The following TENM2 variants were observed in gnomAD, a reference collection of about 807,000 sequenced individuals.
TENM2 encodes the protein teneurin-2.
Under a neutral mutation model 245.2 loss-of-function variants are expected in TENM2, and 52 were observed. The observed-to-expected ratio is 0.21, with a 90% CI of 0.17 to 0.27. TENM2 has a LOEUF of 0.27. Among genes scored for constraint, TENM2 ranks in the 10% least tolerant of loss-of-function variants. The pLI, the probability that TENM2 is intolerant of heterozygous loss-of-function variation, is 1.00. For synonymous variants in TENM2, 1,363 were observed against 1,438.9 expected (o/e 0.95, Z 1.19); for missense variants, 3,046 against 3,666.8 (o/e 0.83, Z 4.37).
chr5:167,233,762 A>G, the TENM2 span, among the ~76,000 whole-genome samples: 3 of 152,212 alleles, frequency 2.0e-5, no homozygotes, highest in African/African-American at 7.2e-5. Flanking sequence ...ATCTCAGCCA[A>G]GACTGAAATC....
intron 2 of TENM2, among the ~76,000 whole-genome samples, chr5:167,790,932 T>C (rs1764912196): frequency 6.6e-6 from 1 of 152,210 alleles, no homozygotes. Flanking sequence ...ACCACATTGA[T>C]TTTTCCTTAT....
chr5:167,527,412 A>G (rs987640742), intron 2 of TENM2, among the ~76,000 whole-genome samples: 2 of 152,052 alleles, frequency 1.3e-5, no homozygotes, highest in African/African-American at 4.8e-5. Flanking sequence ...TTTTCATATA[A>G]TTGCTTGACA....
chr5:168,121,718 AT>A (rs35236471), intron 10 of TENM2, among the ~76,000 whole-genome samples: 2,370 of 148,312 alleles, frequency 0.016, 44 homozygotes, highest in African/African-American at 0.047. Context: ...AAAGATTGTG[AT>A]TTTTTTTTTT....
chr5:168,200,085 G>A (rs948863277), exon 17 of TENM2: 4 of 1,613,710 alleles, frequency 2.5e-6, no homozygotes, highest in African/African-American at 1.3e-5. Flanking sequence ...TCTGGGACAA[G>A]ACAGATGCGT....
chr5:167,337,101 G>A (rs548385850), intron 1 of TENM2, among the ~76,000 whole-genome samples: 2 of 136,378 alleles, frequency 1.5e-5, no homozygotes, highest in East Asian at 4.4e-4. Context: ...TCCGGCCTGG[G>A]CGACAGAGGG....
chr5:167,409,831 T>C lies in TENM2; in HGVS notation c.502+34358T>C, dbSNP rs571838757. 1.4e-4 allele frequency among the ~76,000 whole-genome samples: 21 copies of C among 152,050 alleles called. No homozygotes were observed. The South Asian group carries it at 4.3e-3, about 31-fold the overall frequency. On this transcript the variant is annotated intron_variant, in intron 2 of 28. Coordinates refer to ENST00000518659, the Ensembl canonical transcript of TENM2. ...AAATACCAGTTGTATCAGTGATCCA[T>C]GATGAAATTGTTAACACTGATGATG...
chr5:167,553,668 C>T (rs901656348), intron 2 of TENM2, among the ~76,000 whole-genome samples: 2 of 152,128 alleles, frequency 1.3e-5, no homozygotes, highest in Non-Finnish European at 2.9e-5. Context: ...ATGCCTTCTG[C>T]ACAGCTGAAT....
chr5:167,428,218 TTAC>T (rs1301574118), intron 2 of TENM2, among the ~76,000 whole-genome samples: 8 of 152,180 alleles, frequency 5.3e-5, no homozygotes, highest in Non-Finnish European at 1.2e-4. Context: ...AAAAAATTAA[TTAC>T]TATTATGGCT....
At chr5:167,787,529 G>T (rs1764666088) in intron 2 of TENM2, among the ~76,000 whole-genome samples, 1 of 152,116 alleles carries the variant, frequency 6.6e-6, no homozygotes, top group African/African-American at 2.4e-5. Flanking sequence ...TTTGTTCAGG[G>T]CCTGCATTTC....
At chr5:167,932,088 C>T (rs139548592) in intron 3 of TENM2, among the ~76,000 whole-genome samples, 3 of 152,272 alleles carry the variant, frequency 2.0e-5, no homozygotes, top group Middle Eastern at 3.4e-3. Flanking sequence ...AGTTGTAAGT[C>T]GGGAGTCTGA....
chr5:168,075,994 C>T (rs1356261147), intron 7 of TENM2, among the ~76,000 whole-genome samples: 1 of 152,116 alleles, frequency 6.6e-6, no homozygotes, highest in Non-Finnish European at 1.5e-5. Context: ...TCCCACGACA[C>T]ATGGGAATTA....
chr5:167,034,242 T>C, the TENM2 span, among the ~76,000 whole-genome samples: 1 of 152,224 alleles, frequency 6.6e-6, no homozygotes, highest in East Asian at 1.9e-4. Context: ...AATGAGATGA[T>C]AAACTAATTC....
At chr5:167,249,269 G>T in the TENM2 span, among the ~76,000 whole-genome samples, 1 of 152,112 alleles carries the variant, frequency 6.6e-6, no homozygotes, top group Non-Finnish European at 1.5e-5. Flanking sequence ...AAGGTATGAA[G>T]TACCAGTTCT....
the TENM2 span, among the ~76,000 whole-genome samples, chr5:166,979,481 A>G: frequency 3.9e-5 from 6 of 152,040 alleles, no homozygotes; most frequent in Admixed American, 6.6e-5. Flanking sequence ...TAAGTTATCT[A>G]TGTAGATGGT....
intron 13 of TENM2, among the ~76,000 whole-genome samples, chr5:168,183,133 G>C (rs1428196080): frequency 6.6e-6 from 1 of 151,992 alleles, no homozygotes; most frequent in Non-Finnish European, 1.5e-5. Context: ...CCCGGCCCAG[G>C]GTACTCTTTG....
the TENM2 span, among the ~76,000 whole-genome samples, chr5:167,238,333 C>T: frequency 6.8e-3 from 1,031 of 152,124 alleles, 13 homozygotes; most frequent in African/African-American, 0.024. Context: ...ATCAATAGAT[C>T]TCAGGTCTTA....
chr5:167,331,362 C>A (rs1757453274), intron 1 of TENM2, among the ~76,000 whole-genome samples: 1 of 151,920 alleles, frequency 6.6e-6, no homozygotes, highest in South Asian at 2.1e-4. Flanking sequence ...AAATTAATGG[C>A]TAAATCTGAA....
At chr5:168,260,601 T>C (rs1237066566) in intron 28 of TENM2, among the ~76,000 whole-genome samples, 188 bp downstream of exon 30, 2 of 152,228 alleles carry the variant, frequency 1.3e-5, no homozygotes, top group Non-Finnish European at 2.9e-5. Context: ...ACAGCACATA[T>C]TTCTTCCCAA....
intron 7 of TENM2, among the ~76,000 whole-genome samples, chr5:168,089,887 C>T (rs1792774866): frequency 6.6e-6 from 1 of 152,164 alleles, no homozygotes. Flanking sequence ...ATCCTCACAA[C>T]AACCCCATAA....
Sources: gnomAD v4.1 joint callset for allele counts (sites outside exome capture counted in the v4.1 genomes callset) on GRCh38, gnomAD v4.1.1 for gene constraint, MANE v1.5 for transcripts, NCBI Gene and HGNC (gene_info 2026-07-23, HGNC 2026-07-21) for gene names.